The following DAB1 variants were observed in gnomAD, a reference collection of about 807,000 sequenced individuals.
DAB1 encodes the protein disabled homolog 1.
In DAB1, 15 loss-of-function variants were observed where a neutral mutation model predicts 64.6. The ratio of observed to expected loss-of-function variants is 0.23; its 90% CI spans 0.16 to 0.36. The LOEUF is 0.36. Among genes scored for constraint, DAB1 ranks in the 10% least tolerant of loss-of-function variants. DAB1 has a pLI of 1.00. For synonymous variants in DAB1, 235 were observed against 251.9 expected, an observed-to-expected ratio of 0.93 and a Z score of 0.64; for missense variants, 596 against 706.7, an observed-to-expected ratio of 0.84 and a Z score of 1.78.
intron 4 of DAB1, among the ~76,000 whole-genome samples, chr1:58,280,964 GGC>G (rs1661547506): frequency 2.6e-5 from 4 of 152,152 alleles, no homozygotes; most frequent in Admixed American, 2.6e-4. Flanking sequence ...AGTTGGGATG[GGC>G]CATGTCTTTG....
chr1:57,494,599 C>T (rs1389726646), intron 7 of DAB1, among the ~76,000 whole-genome samples: 4 of 152,170 alleles, frequency 2.6e-5, no homozygotes, highest in African/African-American at 7.2e-5. Context: ...GGCTGCTCCT[C>T]GAGGTAAACA....
intron 6 of DAB1, among the ~76,000 whole-genome samples, chr1:57,763,893 C>G (rs1468256813): frequency 2.0e-5 from 3 of 152,130 alleles, no homozygotes; most frequent in Non-Finnish European, 4.4e-5. Flanking sequence ...GAGAACCTCT[C>G]TGGCCATTTT....
chr1:57,912,037 G>A (rs764398285), intron 5 of DAB1, among the ~76,000 whole-genome samples: 24 of 152,170 alleles, frequency 1.6e-4, no homozygotes, highest in African/African-American at 5.5e-4. Context: ...GCGCACTAAA[G>A]CCTGAGGGGG....
At chr1:58,544,188 C>G (rs1646665946) in intron 1 of DAB1, among the ~76,000 whole-genome samples, 1 of 152,094 alleles carries the variant, frequency 6.6e-6, no homozygotes, top group African/African-American at 2.4e-5. Flanking sequence ...TAAATGTTGG[C>G]AATGAACTTA....
chr1:58,533,129 A>G (rs1646462395), intron 1 of DAB1, among the ~76,000 whole-genome samples: 1 of 152,224 alleles, frequency 6.6e-6, no homozygotes, highest in Non-Finnish European at 1.5e-5. Flanking sequence ...ATAACAATTT[A>G]AAAAATGTGT....
intron 5 of DAB1, among the ~76,000 whole-genome samples, chr1:58,104,355 G>A (rs887914248): frequency 3.9e-5 from 6 of 152,200 alleles, no homozygotes; most frequent in Non-Finnish European, 7.3e-5. Flanking sequence ...ATACTCTTAG[G>A]GTGAGAGAAA....
intron 7 of DAB1, among the ~76,000 whole-genome samples, chr1:57,601,586 C>A (rs1645576399): frequency 6.6e-6 from 1 of 151,928 alleles, no homozygotes; most frequent in Non-Finnish European, 1.5e-5. Flanking sequence ...GAGCAAGACT[C>A]CTTTTCAAAA....
intron 7 of DAB1, among the ~76,000 whole-genome samples, chr1:57,540,278 CAA>C (rs1644786165): frequency 6.6e-6 from 1 of 151,994 alleles, no homozygotes; most frequent in African/African-American, 2.4e-5. Context: ...TGGTTATTAT[CAA>C]AGAGACAAAA....
At chr1:57,059,158 A>G (rs1473312580) in intron 9 of DAB1, among the ~76,000 whole-genome samples, 1 of 152,234 alleles carries the variant, frequency 6.6e-6, no homozygotes, top group Non-Finnish European at 1.5e-5. Context: ...TCTAATTCAC[A>G]TCTTCTGTTA....
chr1:57,268,474 G>C (rs1283715251), intron 2 of DAB1, among the ~76,000 whole-genome samples: 4 of 152,088 alleles, frequency 2.6e-5, no homozygotes, highest in Admixed American at 1.3e-4. Flanking sequence ...AATGATACTG[G>C]CAGTCTCAAT....
At chr1:57,951,667 T>C (rs887294228) in intron 5 of DAB1, among the ~76,000 whole-genome samples, 1 of 152,056 alleles carries the variant, frequency 6.6e-6, no homozygotes, top group Non-Finnish European at 1.5e-5. Context: ...CAATGATAGA[T>C]TGAGGTAACG....
At chr1:58,544,978 T>G (rs1646678016) in intron 1 of DAB1, among the ~76,000 whole-genome samples, 1 of 152,150 alleles carries the variant, frequency 6.6e-6, no homozygotes, top group Admixed American at 6.5e-5. Context: ...TGGGCTCAAC[T>G]GATCATACTG....
intron 7 of DAB1, among the ~76,000 whole-genome samples, chr1:57,646,421 T>G (rs990957783): frequency 6.6e-6 from 1 of 152,170 alleles, no homozygotes; most frequent in African/African-American, 2.4e-5. Flanking sequence ...CATGAAAGCC[T>G]TTGAAAGTCA....
intron 6 of DAB1, among the ~76,000 whole-genome samples, chr1:57,765,852 A>G (rs1005384760): frequency 6.6e-6 from 1 of 152,046 alleles, no homozygotes; most frequent in East Asian, 1.9e-4. Flanking sequence ...GCTGGTCTCA[A>G]ACTCCTGACC....
At chr1:57,270,707 A>G (rs1670925667) in intron 2 of DAB1, among the ~76,000 whole-genome samples, 1 of 152,198 alleles carries the variant, frequency 6.6e-6, no homozygotes, top group Non-Finnish European at 1.5e-5. Flanking sequence ...TGACCCTGCA[A>G]TGAACACAGG....
At chr1:58,300,614 G>A (rs753897818) in intron 4 of DAB1, among the ~76,000 whole-genome samples, 3,958 of 43,496 alleles carry the variant, frequency 0.091, 163 homozygotes, top group African/African-American at 0.12. Context: ...GAAAGAAAGA[G>A]AGAGAGAGAG....
intron 9 of DAB1, among the ~76,000 whole-genome samples, chr1:57,029,438 C>T (rs1277082766): frequency 6.6e-6 from 1 of 152,180 alleles, no homozygotes; most frequent in Non-Finnish European, 1.5e-5. Flanking sequence ...ATACAGAGTC[C>T]TACTGGAGCT....
chr1:57,676,949 C>T (rs1432871010), intron 6 of DAB1, among the ~76,000 whole-genome samples: 1 of 152,182 alleles, frequency 6.6e-6, no homozygotes, highest in Non-Finnish European at 1.5e-5. Flanking sequence ...GCGTTCTCCT[C>T]CCAAATTCAT....
At chr1:58,219,179 T>C (rs866003567) in intron 4 of DAB1, among the ~76,000 whole-genome samples, 15 of 152,066 alleles carry the variant, frequency 9.9e-5, no homozygotes, top group African/African-American at 3.4e-4. Context: ...CGGGTTTCCA[T>C]CTATGTTCCT....
Sources: gnomAD v4.1 joint callset for allele counts (sites outside exome capture counted in the v4.1 genomes callset) on GRCh38, gnomAD v4.1.1 for gene constraint, MANE v1.5 for transcripts, NCBI Gene and HGNC (gene_info 2026-07-23, HGNC 2026-07-21) for gene names.